QTMAN: variants seen among roughly 807,000 people sequenced by gnomAD.
The protein encoded by QTMAN is queuosine-tRNA mannosyltransferase.
At chr2:144,158,540 T>C in the QTMAN span, among the ~76,000 whole-genome samples, 1 of 151,908 alleles carries the variant, frequency 6.6e-6, no homozygotes, top group African/African-American at 2.4e-5. Flanking sequence ...ACTATTTTTA[T>C]ACAGAAATAT....
At chr2:144,036,584 T>C in the QTMAN span, among the ~76,000 whole-genome samples, 1 of 152,214 alleles carries the variant, frequency 6.6e-6, no homozygotes, top group African/African-American at 2.4e-5. Flanking sequence ...ACACCTTAAA[T>C]AGACCTGATA....
chr2:144,201,467 T>C, the QTMAN span, among the ~76,000 whole-genome samples: 1 of 152,216 alleles, frequency 6.6e-6, no homozygotes, highest in African/African-American at 2.4e-5. Flanking sequence ...ACCCTGTGCA[T>C]ACTCTGGATT....
At chr2:144,313,938 T>C in the QTMAN span, among the ~76,000 whole-genome samples, 2 of 151,854 alleles carry the variant, frequency 1.3e-5, no homozygotes, top group Non-Finnish European at 1.5e-5. Context: ...TAACAATGCA[T>C]GGTAGAAATG....
At chr2:144,082,622 A>C in the QTMAN span, among the ~76,000 whole-genome samples, 2 of 152,130 alleles carry the variant, frequency 1.3e-5, no homozygotes, top group Admixed American at 6.5e-5. Flanking sequence ...GATTATAGGC[A>C]CATATACCAT....
At chr2:144,262,945 G>GGGAGAGGGGAAGGGA in the QTMAN span, among the ~76,000 whole-genome samples, 39 of 91,936 alleles carry the variant, frequency 4.2e-4, 1 homozygote, top group East Asian at 5.3e-3. Context: ...AAGAGGGGAG[G>GGGAGAGGGGAAGGGA]GGATAGGGGA....
At chr2:144,035,458 A>G in the QTMAN span, among the ~76,000 whole-genome samples, 1 of 152,308 alleles carries the variant, frequency 6.6e-6, no homozygotes, top group African/African-American at 2.4e-5. Flanking sequence ...ATGAGATAGC[A>G]CTCATTTCCT....
chr2:144,217,412 T>C, the QTMAN span, among the ~76,000 whole-genome samples: 12 of 151,964 alleles, frequency 7.9e-5, no homozygotes, highest in Non-Finnish European at 1.5e-4. Context: ...TAAATAAAAA[T>C]GTTTAATAAT....
At chr2:144,072,900 T>TA in the QTMAN span, among the ~76,000 whole-genome samples, 2 of 152,186 alleles carry the variant, frequency 1.3e-5, no homozygotes, top group Non-Finnish European at 2.9e-5. Flanking sequence ...TCTTGACTCC[T>TA]AAGGAGCTTA....
chr2:144,300,190 G>A, the QTMAN span, among the ~76,000 whole-genome samples: 3 of 152,094 alleles, frequency 2.0e-5, no homozygotes, highest in Non-Finnish European at 4.4e-5. Context: ...TGGTAGAGAT[G>A]GCTGCACAAC....
the QTMAN span, among the ~76,000 whole-genome samples, chr2:143,989,619 C>T: frequency 6.6e-6 from 1 of 152,086 alleles, no homozygotes; most frequent in Admixed American, 6.5e-5. Context: ...GGTAAACATA[C>T]CCTCATACTT....
chr2:144,079,738 G>A, the QTMAN span, among the ~76,000 whole-genome samples: 1 of 152,056 alleles, frequency 6.6e-6, no homozygotes, highest in African/African-American at 2.4e-5. Context: ...CAAGTTCATT[G>A]TATCTTACTG....
chr2:144,068,449 A>G, the QTMAN span, among the ~76,000 whole-genome samples: 1 of 152,230 alleles, frequency 6.6e-6, no homozygotes, highest in East Asian at 1.9e-4. Flanking sequence ...AAAAGCTTTT[A>G]CTGCTATTTA....
At chr2:143,989,653 A>C in the QTMAN span, among the ~76,000 whole-genome samples, 1 of 152,210 alleles carries the variant, frequency 6.6e-6, no homozygotes, top group African/African-American at 2.4e-5. Context: ...ACCCACACAT[A>C]TACATGCATA....
chr2:144,200,789 T>C, the QTMAN span, among the ~76,000 whole-genome samples: 3 of 152,180 alleles, frequency 2.0e-5, 1 homozygote, highest in Admixed American at 1.3e-4. Context: ...AAAATGTGTA[T>C]GGAATTCTTT....
the QTMAN span, among the ~76,000 whole-genome samples, chr2:143,979,647 G>A: frequency 5.3e-5 from 8 of 152,158 alleles, no homozygotes; most frequent in Admixed American, 2.6e-4. Flanking sequence ...TTTTATAAAC[G>A]AGATCAACGT....
the QTMAN span, among the ~76,000 whole-genome samples, chr2:144,146,450 C>T: frequency 2.0e-5 from 3 of 151,336 alleles, no homozygotes; most frequent in African/African-American, 7.3e-5. Flanking sequence ...GAAAGCTTGC[C>T]TATCCATGTT....
the QTMAN span, among the ~76,000 whole-genome samples, chr2:144,092,450 C>A: frequency 6.6e-6 from 1 of 152,140 alleles, no homozygotes; most frequent in Non-Finnish European, 1.5e-5. Context: ...GCTGGGATTA[C>A]AGGCATGAGC....
chr2:144,104,943 G>T, the QTMAN span, among the ~76,000 whole-genome samples: 2 of 152,236 alleles, frequency 1.3e-5, no homozygotes, highest in Admixed American at 6.5e-5. Context: ...AACCTTTGCT[G>T]TTCAGCAATA....
At chr2:143,989,541 T>A in the QTMAN span, among the ~76,000 whole-genome samples, 1 of 151,986 alleles carries the variant, frequency 6.6e-6, no homozygotes, top group East Asian at 1.9e-4. Context: ...TAGGCAGACA[T>A]GGAGGAGGGA....
Sources: gnomAD v4.1 joint callset for allele counts (sites outside exome capture counted in the v4.1 genomes callset) on GRCh38, gnomAD v4.1.1 for gene constraint, MANE v1.5 for transcripts, NCBI Gene and HGNC (gene_info 2026-07-23, HGNC 2026-07-21) for gene names.